Variants in RIC8B observed in about 807,000 individuals in gnomAD.
RIC8B encodes the protein RIC8 guanine nucleotide exchange factor B.
RIC8B carries 16 observed loss-of-function variants against 57.5 expected under a neutral mutation model. That is an observed-to-expected ratio of 0.28 (90% CI 0.19 to 0.42). The LOEUF is 0.42. Among genes scored for constraint, RIC8B ranks in the 10% least tolerant of loss-of-function variants. RIC8B has a pLI of 1.00. For missense variants in RIC8B, 481 were observed against 677.0 expected (o/e 0.71, Z 3.21); for synonymous variants, 216 against 250.8 (o/e 0.86, Z 1.31).
chr12:106,868,372 T>TC (rs1391048655), intron 8 of RIC8B: 1 of 456,546 alleles, frequency 2.2e-6, no homozygotes, highest in Non-Finnish European at 4.4e-6. Context: ...TTAATACATC[T>TC]ACCTTCCCTT....
intron 2 of RIC8B, among the ~76,000 whole-genome samples, chr12:106,804,404 G>A (rs1016422608): frequency 5.3e-5 from 8 of 151,986 alleles, no homozygotes; most frequent in South Asian, 2.1e-4. Context: ...TAGTAGACAT[G>A]GGGTTTCACC....
chr12:106,776,740 G>A (rs2043514272), intron 1 of RIC8B, among the ~76,000 whole-genome samples: 1 of 152,142 alleles, frequency 6.6e-6, no homozygotes, highest in African/African-American at 2.4e-5. Context: ...AGGTTGTTTT[G>A]CATGGTGTGT....
chr12:106,790,652 C>T (rs559045430), intron 2 of RIC8B, among the ~76,000 whole-genome samples: 6 of 152,178 alleles, frequency 3.9e-5, no homozygotes, highest in Admixed American at 1.3e-4. Context: ...AAACAAAAAG[C>T]TTTAAAACAA....
At chr12:106,809,966 C>T (rs1200743124) in intron 2 of RIC8B, among the ~76,000 whole-genome samples, 1 of 151,930 alleles carries the variant, frequency 6.6e-6, no homozygotes, top group African/African-American at 2.4e-5. Context: ...CATTAACCAA[C>T]CCCTCCATAT....
chr12:106,819,973 G>A (rs760536413), intron 3 of RIC8B, among the ~76,000 whole-genome samples: 23 of 151,906 alleles, frequency 1.5e-4, no homozygotes, highest in Non-Finnish European at 3.1e-4. Context: ...CCTGAAATTG[G>A]TGGGCCAGCG....
chr12:106,811,025 A>G (rs1222439464), intron 2 of RIC8B, among the ~76,000 whole-genome samples: 3 of 152,240 alleles, frequency 2.0e-5, no homozygotes, highest in African/African-American at 2.4e-5. Flanking sequence ...TTTAGAGTCT[A>G]TGGTGGGTTG....
At chr12:106,853,770 AATC>A (rs1251379277) in intron 7 of RIC8B, among the ~76,000 whole-genome samples, 3 of 151,726 alleles carry the variant, frequency 2.0e-5, no homozygotes, top group African/African-American at 7.3e-5. Flanking sequence ...CCTGACCTAT[AATC>A]ATTTTTTTCC....
At chr12:106,857,152 G>C (rs1238732683) in intron 7 of RIC8B, among the ~76,000 whole-genome samples, 1 of 152,116 alleles carries the variant, frequency 6.6e-6, no homozygotes, top group Non-Finnish European at 1.5e-5. Flanking sequence ...TATCCAGGAA[G>C]GTTGTAAAAT....
intron 4 of RIC8B, among the ~76,000 whole-genome samples, chr12:106,834,233 T>C (rs1277256206): frequency 1.3e-5 from 2 of 152,266 alleles, no homozygotes; most frequent in African/African-American, 4.8e-5. Flanking sequence ...CAGATCTGTT[T>C]GGATTGTCCT....
chr12:106,828,478 A>G (rs1293191518), intron 4 of RIC8B, among the ~76,000 whole-genome samples: 1 of 152,192 alleles, frequency 6.6e-6, no homozygotes, highest in Non-Finnish European at 1.5e-5. Flanking sequence ...TCCATTTTTG[A>G]AAGTTATTTT....
In RIC8B at chr12:106,844,094, G is replaced by A. The variant is rs1052536869; in HGVS notation, c.1161+147G>A. On this transcript the variant is annotated intron_variant, in intron 6 of 9. Transcript: ENST00000392837. Reference sequence around the variant, plus strand: ...TTTGAAATCTTCTTAATCAAGAAGTGTGTATTTTTTGAGTCATTCATTCAG... The same window carrying A: ...TTTGAAATCTTCTTAATCAAGAAGTATGTATTTTTTGAGTCATTCATTCAG... 6 of 662,986 alleles carry A rather than the reference G, an allele frequency of 9.0e-6. No individual in the cohort carries two copies. In the Admixed American group the frequency reaches 1.0e-4, roughly 11 times the overall value. The allele number at this position is 662,986 out of a possible 1,614,324, so 41.1% of individuals were successfully genotyped here.
Position 106,830,632 on chromosome 12 carries a change from CT to C in RIC8B, c.836+4813del, listed in dbSNP as rs1257925673. On this transcript the variant is annotated intron_variant, in intron 4 of 9. Transcript: ENST00000392837. ...CTGACTCTCTGTAAATGACAGTCAT[CT>C]AGGTGAACAGATGTTTTCTGAACTA... 2.0e-5 allele frequency among the ~76,000 whole-genome samples: 3 copies of C among 152,184 alleles called. No individual in the cohort carries two copies. In the East Asian group the frequency reaches 5.8e-4, roughly 29 times the overall value.
chr12:106,779,334 C>T (rs868275921), intron 1 of RIC8B, among the ~76,000 whole-genome samples: 49 of 151,726 alleles, frequency 3.2e-4, no homozygotes, highest in Middle Eastern at 3.4e-3. Context: ...CAGGTTCAAG[C>T]GATTCTCCTG....
chr12:106,870,672 T>G, intron 8 of RIC8B, 151 bp from the exon 9 acceptor site: 1 of 461,634 alleles, frequency 2.2e-6, no homozygotes, highest in East Asian at 3.6e-5. Flanking sequence ...TTTTAAAAAT[T>G]CCTATATCAG....
chr12:106,881,352 T>C (rs957297565), intron 9 of RIC8B, among the ~76,000 whole-genome samples: 7 of 151,714 alleles, frequency 4.6e-5, no homozygotes, highest in African/African-American at 9.7e-5. Flanking sequence ...TTTTTTTTTT[T>C]CCTTTATCTC....
chr12:106,823,404 C>T, intron 3 of RIC8B: 1 of 455,736 alleles, frequency 2.2e-6, no homozygotes, highest in Non-Finnish European at 4.4e-6. Context: ...ACATTGTAGA[C>T]ATCGGGTACA....
chr12:106,821,421 G>A (rs868061267), intron 3 of RIC8B, among the ~76,000 whole-genome samples: 3 of 152,222 alleles, frequency 2.0e-5, no homozygotes, highest in South Asian at 4.2e-4. Context: ...CAATTGTATG[G>A]CCATATGGGA....
chr12:106,813,707 GATTA>G lies in RIC8B; in HGVS notation c.133-986_133-983del, dbSNP rs530972435. Reference sequence around the variant, plus strand: ...TATTGAAGAATTAAGTCTGATGATAGATTAATAGAAATTTTGTAAAATCTTATAT... The same window carrying G: ...TATTGAAGAATTAAGTCTGATGATAGATAGAAATTTTGTAAAATCTTATAT... On this transcript the variant is annotated intron_variant, in intron 2 of 9. Coordinates refer to ENST00000392837, the MANE Select transcript of RIC8B (RefSeq NM_001330145.2). 2.2e-4 allele frequency among the ~76,000 whole-genome samples: 33 copies of G among 152,284 alleles called. No individual in the cohort carries two copies. The South Asian group carries it at 6.0e-3, about 28-fold the overall frequency.
At chr12:106,877,170 A>T (rs2024517) in intron 9 of RIC8B, among the ~76,000 whole-genome samples, 10,882 of 152,190 alleles carry the variant, frequency 0.072, 507 homozygotes, top group African/African-American at 0.13. Flanking sequence ...GCTTTAAGGT[A>T]TAAAAAATGC....
Sources: allele counts gnomAD v4.1 joint callset (sites outside exome capture counted in the v4.1 genomes callset), GRCh38; gene constraint gnomAD v4.1.1; transcripts MANE v1.5; gene names NCBI Gene and HGNC (gene_info 2026-07-23, HGNC 2026-07-21).